PDK1: variants seen among roughly 807,000 people sequenced by gnomAD.
PDK1 encodes the protein [Pyruvate dehydrogenase (acetyl-transferring)] kinase isozyme 1, mitochondrial.
A neutral mutation model predicts 54.2 loss-of-function variants in PDK1; 39 were observed. The observed-to-expected ratio is 0.72, with a 90% CI of 0.56 to 0.94. The LOEUF (loss-of-function observed/expected upper bound fraction) is 0.94, where lower values mean the gene tolerates loss of function less well. Ranked by LOEUF, PDK1 falls within the 40% of genes least tolerant of loss-of-function variation. The pLI is 0.00. For synonymous variants in PDK1, 221 were observed against 207.1 expected, an observed-to-expected ratio of 1.07 and a Z score of -0.58; for missense variants, 552 against 566.0, an observed-to-expected ratio of 0.98 and a Z score of 0.25.
the PDK1 span, among the ~76,000 whole-genome samples, chr2:172,722,534 G>T: frequency 9.8e-5 from 15 of 152,330 alleles, no homozygotes; most frequent in Middle Eastern, 6.8e-3. Flanking sequence ...GGGTGATAAA[G>T]ATTTCATCTG....
intron 9 of PDK1, 106 bp from the exon 10 acceptor site, chr2:172,592,829 A>G: frequency 1.7e-6 from 1 of 582,864 alleles, no homozygotes; most frequent in Non-Finnish European, 3.1e-6. Context: ...CATCTCTCAG[A>G]TGCGGGCTCT....
intron 3 of PDK1, among the ~76,000 whole-genome samples, chr2:172,563,609 G>A (rs536769237): frequency 2.0e-5 from 3 of 152,264 alleles, no homozygotes; most frequent in African/African-American, 4.8e-5. Context: ...CGAGGCGGGC[G>A]GATCGTCTGA....
At chr2:172,564,239 A>T (rs1190448651) in intron 3 of PDK1, 1 of 505,238 alleles carries the variant, frequency 2.0e-6, no homozygotes, top group Non-Finnish European at 3.6e-6. Context: ...CATTTTTTGG[A>T]TTACGTTTTG....
At chr2:172,631,982 AC>A in the PDK1 span, among the ~76,000 whole-genome samples, 1 of 152,020 alleles carries the variant, frequency 6.6e-6, no homozygotes, top group African/African-American at 2.4e-5. Context: ...TCTCTTAAAA[AC>A]CTTCCCTTGA....
chr2:172,704,870 A>G, the PDK1 span, among the ~76,000 whole-genome samples: 1 of 152,178 alleles, frequency 6.6e-6, no homozygotes, highest in Admixed American at 6.5e-5. Flanking sequence ...CGTACTCTTG[A>G]GGTAAAAAGT....
At chr2:172,555,982 C>G, upstream of PDK1, 1 of 441,020 alleles carries the variant, frequency 2.3e-6, no homozygotes, top group Non-Finnish European at 3.8e-6. Flanking sequence ...CTTCCCGCTC[C>G]GCGTCCCGCC....
chr2:172,632,872 C>T, the PDK1 span, among the ~76,000 whole-genome samples: 1 of 149,578 alleles, frequency 6.7e-6, no homozygotes, highest in African/African-American at 2.5e-5. Context: ...CCCAGCTACT[C>T]GGGAGGCTGA....
At chr2:172,680,502 C>T in the PDK1 span, among the ~76,000 whole-genome samples, 9 of 152,182 alleles carry the variant, frequency 5.9e-5, no homozygotes, top group East Asian at 1.5e-3. Flanking sequence ...CAGGCATGCA[C>T]CACCATGCCC....
the PDK1 span, among the ~76,000 whole-genome samples, chr2:172,616,224 A>G: frequency 1.1e-4 from 17 of 152,244 alleles, no homozygotes; most frequent in Non-Finnish European, 1.9e-4. Flanking sequence ...CATTGAAATA[A>G]CTTGTGACCT....
the PDK1 span, among the ~76,000 whole-genome samples, chr2:172,659,218 A>G: frequency 2.0e-5 from 3 of 152,194 alleles, no homozygotes; most frequent in African/African-American, 4.8e-5. Context: ...CAACACTTAG[A>G]CAAAATATCA....
chr2:172,585,131 G>C (rs959564639), intron 8 of PDK1, among the ~76,000 whole-genome samples: 5 of 151,878 alleles, frequency 3.3e-5, no homozygotes, highest in South Asian at 4.2e-4. Context: ...CAAGTAGCTG[G>C]GATCACAGTT....
the PDK1 span, among the ~76,000 whole-genome samples, chr2:172,710,322 G>A: frequency 2.6e-5 from 4 of 152,168 alleles, no homozygotes; most frequent in Non-Finnish European, 2.9e-5. Context: ...CATGAGTTCT[G>A]CAACAAGAAG....
chr2:172,609,646 G>A (rs1691400844), downstream of PDK1, among the ~76,000 whole-genome samples: 1 of 152,156 alleles, frequency 6.6e-6, no homozygotes, highest in African/African-American at 2.4e-5. Context: ...TTTCTAAAAC[G>A]GACATGCGTG....
At chr2:172,563,527 G>A (rs1009130645) in intron 3 of PDK1, among the ~76,000 whole-genome samples, 2 of 152,122 alleles carry the variant, frequency 1.3e-5, no homozygotes, top group African/African-American at 4.8e-5. Context: ...AATTGGTTTC[G>A]TTACTGCATA....
chr2:172,565,633 T>G (rs2149213215), intron 5 of PDK1, among the ~76,000 whole-genome samples: 1 of 152,138 alleles, frequency 6.6e-6, no homozygotes, highest in South Asian at 2.1e-4. Context: ...AGAATTGAAG[T>G]CCCTACTGCC....
intron 8 of PDK1, among the ~76,000 whole-genome samples, chr2:172,572,870 T>C (rs1274312236): frequency 6.6e-6 from 1 of 152,230 alleles, no homozygotes; most frequent in Non-Finnish European, 1.5e-5. Context: ...ATGCAGTATG[T>C]GGTCTTTTGT....
At chr2:172,635,071 G>A in the PDK1 span, among the ~76,000 whole-genome samples, 1 of 152,008 alleles carries the variant, frequency 6.6e-6, no homozygotes, top group South Asian at 2.1e-4. Flanking sequence ...CTCACTATAT[G>A]TGTTTAAGTC....
At chr2:172,671,485 T>C in the PDK1 span, among the ~76,000 whole-genome samples, 1 of 151,444 alleles carries the variant, frequency 6.6e-6, no homozygotes. Flanking sequence ...GCTCTTAATA[T>C]ATTTAGGCCT....
the PDK1 span, among the ~76,000 whole-genome samples, chr2:172,689,612 A>G: frequency 2.3e-4 from 35 of 152,338 alleles, no homozygotes; most frequent in South Asian, 6.4e-3. Flanking sequence ...CTACAAGGCC[A>G]CAGTAACCAA....
Sources: allele counts gnomAD v4.1 joint callset (sites outside exome capture counted in the v4.1 genomes callset), GRCh38; gene constraint gnomAD v4.1.1; transcripts MANE v1.5; gene names NCBI Gene and HGNC (gene_info 2026-07-23, HGNC 2026-07-21).